EPB41L3: variants seen among roughly 807,000 people sequenced by gnomAD.
EPB41L3 encodes the protein erythrocyte membrane protein band 4.1 like 3.
EPB41L3 carries 57 observed loss-of-function variants against 127.1 expected under a neutral mutation model. The observed-to-expected ratio is 0.45, with a 90% CI of 0.36 to 0.56. The LOEUF is 0.56. Ranked by LOEUF, EPB41L3 falls within the 20% of genes least tolerant of loss-of-function variation. The pLI is 0.00. For missense variants in EPB41L3, 1,273 were observed against 1,372.2 expected (o/e 0.93, Z 1.14); for synonymous variants, 572 against 549.5 (o/e 1.04, Z -0.57).
chr18:5,477,052 G>A (rs1328277398), intron 3 of EPB41L3, among the ~76,000 whole-genome samples: 3 of 152,148 alleles, frequency 2.0e-5, no homozygotes, highest in Admixed American at 6.5e-5. Context: ...CCTGCAATCT[G>A]TAACAATTTA....
chr18:5,608,472 G>A (rs2094688545), intron 3 of EPB41L3, among the ~76,000 whole-genome samples: 1 of 152,136 alleles, frequency 6.6e-6, no homozygotes, highest in Admixed American at 6.5e-5. Flanking sequence ...AGTTGGGGAG[G>A]AGAAAATAAT....
intron 1 of EPB41L3, among the ~76,000 whole-genome samples, chr18:5,490,927 G>A (rs555540500): frequency 4.3e-4 from 66 of 152,276 alleles, no homozygotes; most frequent in African/African-American, 1.5e-3. Flanking sequence ...TAGAAACAGA[G>A]ATTCATCTGT....
At chr18:5,442,602 C>T (rs1456035481) in intron 5 of EPB41L3, among the ~76,000 whole-genome samples, 1 of 152,106 alleles carries the variant, frequency 6.6e-6, no homozygotes, top group Non-Finnish European at 1.5e-5. Context: ...AAAAGTTTTA[C>T]TTATTGAAAT....
chr18:5,526,036 A>G (rs1314188312), intron 1 of EPB41L3, among the ~76,000 whole-genome samples: 1 of 152,212 alleles, frequency 6.6e-6, no homozygotes, highest in African/African-American at 2.4e-5. Flanking sequence ...AGACAGCTCT[A>G]TCAGGCAATT....
intron 3 of EPB41L3, among the ~76,000 whole-genome samples, chr18:5,589,546 T>A (rs1251035845): frequency 1.3e-5 from 2 of 152,198 alleles, no homozygotes; most frequent in Non-Finnish European, 2.9e-5. Context: ...TGAGTCTTTA[T>A]CTCAGTGTAG....
intron 13 of EPB41L3, among the ~76,000 whole-genome samples, chr18:5,415,333 T>A (rs1331996098): frequency 1.3e-5 from 2 of 152,188 alleles, no homozygotes; most frequent in African/African-American, 4.8e-5. Flanking sequence ...TTTCAGGATC[T>A]CCAGGGAGGA....
At chr18:5,629,014 C>T (rs2094956666), upstream of EPB41L3, 2 of 152,186 alleles carry the variant, frequency 1.3e-5, no homozygotes, top group African/African-American at 4.8e-5. Flanking sequence ...CTCAGCAGCC[C>T]CCAGCGTCGC....
Position 5,614,380 on chromosome 18 carries a change from T to C in EPB41L3, c.-424A>G, listed in dbSNP as rs957278791. On this transcript the variant is annotated 5_prime_UTR_variant, in exon 2 of 22. Transcript: ENST00000545076. ...AAAACCCAAGTTTCTGCTTGATTCA[T>C]GGAAAATGTTTATAGATGAGCTTCT... The C allele has an allele frequency of 4.6e-5, 7 of 152,198 alleles. No homozygotes were observed. The East Asian group carries it at 1.3e-3, about 29-fold the overall frequency. The allele number at this position is 152,198 out of a possible 1,614,324, so 9.4% of individuals were successfully genotyped here.
chr18:5,396,998 T>C, intron 18 of EPB41L3, 60 bp downstream of exon 18: 2 of 1,501,726 alleles, frequency 1.3e-6, no homozygotes, highest in Non-Finnish European at 1.8e-6. Context: ...TGATCTAAAT[T>C]TCCAGGCATC....
At chr18:5,444,139 G>A (rs2081158944) in intron 4 of EPB41L3, among the ~76,000 whole-genome samples, 1 of 152,092 alleles carries the variant, frequency 6.6e-6, no homozygotes, top group Admixed American at 6.5e-5. Context: ...TTGCCTTCAG[G>A]GATTCAAGCT....
At chr18:5,548,028 T>A (rs2093909346), upstream of EPB41L3, among the ~76,000 whole-genome samples, 1 of 152,230 alleles carries the variant, frequency 6.6e-6, no homozygotes, top group Non-Finnish European at 1.5e-5. Flanking sequence ...TCATTTGGCC[T>A]CATTTATTCA....
chr18:5,488,579 G>GATA (rs1358108812), intron 2 of EPB41L3, among the ~76,000 whole-genome samples: 163 of 148,814 alleles, frequency 1.1e-3, no homozygotes, highest in African/African-American at 3.6e-3. Flanking sequence ...TGATGATGAT[G>GATA]ATGATAATAA....
chr18:5,551,531 C>T (rs1171391519), intron 3 of EPB41L3, among the ~76,000 whole-genome samples: 1 of 152,036 alleles, frequency 6.6e-6, no homozygotes, highest in Non-Finnish European at 1.5e-5. Flanking sequence ...TTGAGTCCAG[C>T]TTGGGCAATA....
intron 3 of EPB41L3, among the ~76,000 whole-genome samples, chr18:5,475,779 T>G (rs573236861): frequency 6.6e-6 from 1 of 152,352 alleles, no homozygotes; most frequent in African/African-American, 2.4e-5. Context: ...ATAATAAAAC[T>G]GGAGTCTGAC....
chr18:5,476,963 T>C (rs533259763), intron 3 of EPB41L3, among the ~76,000 whole-genome samples: 5 of 152,350 alleles, frequency 3.3e-5, no homozygotes, highest in African/African-American at 1.2e-4. Context: ...AAATTTTCTA[T>C]AAATTGGTAT....
At chr18:5,492,421 T>C (rs1158871336) in intron 1 of EPB41L3, among the ~76,000 whole-genome samples, 3 of 125,560 alleles carry the variant, frequency 2.4e-5, no homozygotes, top group South Asian at 2.8e-4. Context: ...TGCCAAAACA[T>C]TTCTTTTAAA....
In EPB41L3 at chr18:5,406,279, A is replaced by C. The variant is rs188076667; in HGVS notation, c.2349+498T>G. Among the ~76,000 whole-genome samples, 27 of 152,182 alleles carry C rather than the reference A, an allele frequency of 1.8e-4. No homozygotes were observed. In the East Asian group the frequency reaches 5.2e-3, roughly 29 times the overall value. ...AACAAAAAACAAAAAACGTAATATAAATCAATTAAGATAATCAGTTATAAA... is the reference window on the plus strand; with the variant it reads ...AACAAAAAACAAAAAACGTAATATACATCAATTAAGATAATCAGTTATAAA... On this transcript the variant is annotated intron_variant, in intron 16 of 22. Coordinates refer to ENST00000341928, the MANE Select transcript of EPB41L3 (RefSeq NM_012307.5).
chr18:5,545,373 C>T (rs1793260993), upstream of EPB41L3, among the ~76,000 whole-genome samples: 1 of 152,108 alleles, frequency 6.6e-6, no homozygotes, highest in African/African-American at 2.4e-5. Context: ...ATTAGTGGGC[C>T]TGATCTGTCA....
intron 1 of EPB41L3, among the ~76,000 whole-genome samples, chr18:5,541,651 G>T (rs969906109): frequency 6.6e-6 from 1 of 152,124 alleles, no homozygotes; most frequent in African/African-American, 2.4e-5. Flanking sequence ...AAAAAATCCT[G>T]ATCTTTTATT....
Sources: allele counts gnomAD v4.1 joint callset (sites outside exome capture counted in the v4.1 genomes callset), GRCh38; gene constraint gnomAD v4.1.1; transcripts MANE v1.5; gene names NCBI Gene and HGNC (gene_info 2026-07-23, HGNC 2026-07-21).